The following TNK2 variants were observed in gnomAD, a reference collection of about 807,000 sequenced individuals.
The protein encoded by TNK2 is tyrosine kinase non receptor 2, also known as activated CDC42 kinase 1.
A neutral mutation model predicts 101.8 loss-of-function variants in TNK2; 83 were observed. The ratio of observed to expected loss-of-function variants is 0.82; its 90% CI spans 0.68 to 0.98. The LOEUF is 0.98. Among genes scored for constraint, TNK2 ranks in the 50% least tolerant of loss-of-function variants. The pLI is 0.00. For missense variants in TNK2, 1,665 were observed against 1,483.2 expected, an observed-to-expected ratio of 1.12 and a Z score of -2.01; for synonymous variants, 804 against 633.0, an observed-to-expected ratio of 1.27 and a Z score of -4.06.
chr3:195,869,483 GCAGCCC>G lies in TNK2; in HGVS notation c.1588+8_1588+13del. The G allele has an allele frequency of 6.4e-7, 1 of 1,550,424 alleles. No homozygotes were observed. The highest frequency in any genetic ancestry group is 8.7e-7 in the Non-Finnish European group (1 of 1,146,900). On this transcript the variant is annotated splice_region_variant and intron_variant, in intron 12 of 15. Coordinates refer to ENST00000672887, the MANE Select transcript of TNK2 (RefSeq NM_001382273.1). ...GGGGGCGGGGGCCAAGGCATCGGAAGCAGCCCCACTTACTCTGAGTGAAGAAGGCAG... is the reference window on the plus strand; with the variant it reads ...GGGGGCGGGGGCCAAGGCATCGGAAGCACTTACTCTGAGTGAAGAAGGCAG...
intron 1 of TNK2, chr3:195,892,668 G>A (rs1020254863): frequency 7.3e-7 from 1 of 1,366,012 alleles, no homozygotes; most frequent in African/African-American, 2.4e-5. Flanking sequence ...TGGCCGGTCT[G>A]GCAGGGAGCA....
At chr3:195,887,760 C>T (rs1016209813) in intron 2 of TNK2, among the ~76,000 whole-genome samples, 10 of 146,426 alleles carry the variant, frequency 6.8e-5, no homozygotes, top group East Asian at 2.0e-4. Flanking sequence ...CACGCGTGTG[C>T]GCACGTGTGT....
intron 10 of TNK2, among the ~76,000 whole-genome samples, chr3:195,870,769 G>A (rs1744568604): frequency 6.6e-6 from 1 of 152,266 alleles, no homozygotes; most frequent in Non-Finnish European, 1.5e-5. Context: ...AGCATGCCAG[G>A]AGTGGGGCAG....
intron 9 of TNK2, among the ~76,000 whole-genome samples, chr3:195,873,394 G>C (rs902445910): frequency 1.3e-5 from 2 of 152,116 alleles, no homozygotes; most frequent in Non-Finnish European, 2.9e-5. Context: ...CTTGTCATAC[G>C]TGATGCCGTG....
At chr3:195,903,856 G>A (rs1454824683) in intron 1 of TNK2, among the ~76,000 whole-genome samples, 1 of 152,142 alleles carries the variant, frequency 6.6e-6, no homozygotes, top group Admixed American at 6.5e-5. Context: ...AAAATCCAAA[G>A]GAAGTTACAA....
chr3:195,875,655 GC>G (rs71180982), intron 9 of TNK2, among the ~76,000 whole-genome samples: 16,197 of 113,984 alleles, frequency 0.14, 994 homozygotes, highest in Admixed American at 0.17. Flanking sequence ...CCCTGTCCGC[GC>G]CCTCTCTCTC....
At chr3:195,895,523 T>C in intron 1 of TNK2, 3 of 1,350,554 alleles carry the variant, frequency 2.2e-6, no homozygotes, top group South Asian at 3.7e-5. Flanking sequence ...CTGCGGCCAT[T>C]CCCTCCTGCA....
intron 1 of TNK2, chr3:195,895,653 C>T: frequency 1.6e-6 from 2 of 1,247,942 alleles, no homozygotes; most frequent in African/African-American, 1.6e-5. Flanking sequence ...TCGCCGGCCG[C>T]GGAACCGGGC....
rs1026579225 is a variant in TNK2 at position 195,885,294 on chromosome 3, G to A, written c.235-261C>T. 4.8e-5 allele frequency: 62 copies of A among 1,286,416 alleles called. No homozygotes were observed. The highest frequency in any genetic ancestry group is 4.0e-4 in the African/African-American group (27 of 66,792). The allele number at this position is 1,286,416 out of a possible 1,614,324, so 79.7% of individuals were successfully genotyped here. On this transcript the variant is annotated intron_variant, in intron 3 of 15. Coordinates refer to ENST00000672887, the MANE Select transcript of TNK2 (RefSeq NM_001382273.1). This position sits in a 1 kb window ranked among gnomAD's most constrained non-coding sequence, Gnocchi z 4.7. The stretch of plus-strand genomic sequence containing the variant: ...ACAGGCATGCAGCCTGTGGCTGAGC[G>A]GCCCCACACCCAGCTGTGTGGAGAG...
intron 9 of TNK2, chr3:195,876,301 G>T: frequency 2.4e-6 from 1 of 414,500 alleles, no homozygotes; most frequent in Non-Finnish European, 4.9e-6. Context: ...CAGAGCTGCG[G>T]CAGGTGGCCT....
At position 195,867,591 on chromosome 3, in the gene TNK2, G is replaced by T. The variant is rs753328003; in HGVS notation, c.2707C>A (p.Leu903Met). 2.5e-6 allele frequency: 4 copies of T among 1,590,662 alleles called. No homozygotes were observed. Among genetic ancestry groups the T allele is most frequent in the African/African-American group, 2.7e-5 (2 of 74,822 alleles). ...EAQSPEEPTP[L>M]PVPLLLPPPS... The stretch of plus-strand genomic sequence containing the variant: ...GGGGGCAGCAGCAGAGGCACAGGCA[G>T]GGGGGTAGGCTCCTCGGGGCTCTGG... Residue 903 changes from leucine (L) to methionine (M), a missense_variant, in exon 13 of 16, where the codon CTG becomes ATG. By Grantham distance (15) the Leu-to-Met change is conservative (BLOSUM62 2). Around this residue, in one of 3 missense-constraint regions of TNK2, gnomAD observed 1,136 missense variants for 894.9 expected, o/e 1.27. Coordinates refer to ENST00000672887, the MANE Select transcript of TNK2 (RefSeq NM_001382273.1).
intron 1 of TNK2, chr3:195,895,151 G>A (rs756087449): frequency 1.2e-5 from 15 of 1,254,568 alleles, no homozygotes; most frequent in Non-Finnish European, 1.6e-5. Context: ...TCTCACTCCT[G>A]AGGCCGCCGC....
At chr3:195,883,044 G>A (rs1239684498) in intron 5 of TNK2, 113 bp downstream of exon 5, 11 of 1,355,344 alleles carry the variant, frequency 8.1e-6, no homozygotes, top group East Asian at 2.4e-5. Flanking sequence ...CAGGTTGGGG[G>A]ACCAAAGTAG....
intron 1 of TNK2, chr3:195,895,549 G>T: frequency 7.5e-7 from 1 of 1,328,508 alleles, no homozygotes; most frequent in Non-Finnish European, 9.6e-7. Context: ...TCCCAGCTCC[G>T]TTCCTCCTCT....
Position 195,876,857 on chromosome 3 carries a change from A to T in TNK2, c.1256+1396T>A, listed in dbSNP as rs540458412. ...GTGACCTAAAACACCAGCTCCAGAG[A>T]CACACGCCCCAAACACAGGCCACTC... On this transcript the variant is annotated intron_variant, in intron 9 of 15. Transcript: ENST00000672887. 3.6e-5 allele frequency: 13 copies of T among 356,642 alleles called. 1 individual carries two copies. The highest frequency in any genetic ancestry group is 1.1e-4 in the Admixed American group (3 of 26,524). 22.1% of individuals were successfully genotyped at this position (356,642 alleles called of 1,614,324 possible). A position where few individuals can be genotyped will look rare whatever the true frequency, so the allele number is the denominator to read the frequency against.
chr3:195,904,596 T>C (rs949019782), intron 1 of TNK2, among the ~76,000 whole-genome samples: 6 of 152,128 alleles, frequency 3.9e-5, no homozygotes, highest in African/African-American at 1.4e-4. Flanking sequence ...AGAAAAGTCC[T>C]GGAGATGGAT....
intron 15 of TNK2, among the ~76,000 whole-genome samples, chr3:195,865,800 G>A (rs1031282108): frequency 6.0e-5 from 9 of 150,974 alleles, no homozygotes; most frequent in Non-Finnish European, 8.9e-5. Flanking sequence ...CAGGTGACAC[G>A]GAGTGCCTGC....
intron 1 of TNK2, among the ~76,000 whole-genome samples, chr3:195,897,424 G>T (rs1577116930): frequency 1.3e-5 from 2 of 152,266 alleles, no homozygotes; most frequent in South Asian, 4.1e-4. Flanking sequence ...TGGCAGCTGA[G>T]GTCCTGAGGG....
chr3:195,867,185 G>A lies in TNK2; in HGVS notation c.3017C>T (p.Ala1006Val), dbSNP rs755055610. Residue 1006 changes from alanine (A) to valine (V), a missense_variant, in exon 14 of 16, where the codon GCT (alanine) becomes GTT (valine). By Grantham distance (64) the Ala-to-Val change is moderately conservative. Transcript: ENST00000672887. Reference protein sequence around the residue: ...LQCHGWSVQRAAQYLKVEQLF... With the variant: ...LQCHGWSVQRVAQYLKVEQLF... ...TGGCGGTACCTTCAGATACTGGGCA[G>A]CCCTCTGCACGCTCCAGCCGTGGCA... 9 of 1,612,834 alleles carry A rather than the reference G, an allele frequency of 5.6e-6. No individual in the cohort carries two copies. The African/African-American group carries it at 6.7e-5, about 12-fold the overall frequency.
Sources: gnomAD v4.1 joint callset for allele counts (sites outside exome capture counted in the v4.1 genomes callset) on GRCh38, gnomAD v4.1.1 for gene constraint, gnomAD v4.1.1 regional missense constraint, Gnocchi (gnomAD v3.1) non-coding constraint, MANE v1.5 for transcripts, NCBI Gene and HGNC (gene_info 2026-07-23, HGNC 2026-07-21) for gene names.